AP3M1: variants seen among roughly 807,000 people sequenced by gnomAD.
The protein encoded by AP3M1 is AP-3 complex subunit mu-1.
In AP3M1, 29 loss-of-function variants were observed where a neutral mutation model predicts 42.6. The observed-to-expected ratio is 0.68, with a 90% confidence interval of 0.51 to 0.93. The LOEUF (loss-of-function observed/expected upper bound fraction) is 0.93. AP3M1 is among the 40% of genes least tolerant of loss of function. The pLI, the probability that AP3M1 is intolerant of heterozygous loss-of-function variation, is 0.00. For missense variants in AP3M1, 416 were observed against 510.2 expected (o/e 0.82, Z 1.78); for synonymous variants, 178 against 175.3 (o/e 1.02, Z -0.12).
intron 1 of AP3M1, among the ~76,000 whole-genome samples, chr10:74,146,531 T>TA (rs990700710): frequency 1.6e-4 from 25 of 152,202 alleles, no homozygotes; most frequent in African/African-American, 6.0e-4. Context: ...GGTTTTGTGC[T>TA]AAAAAACATT....
At chr10:74,133,996 T>C in intron 4 of AP3M1, 31 bp downstream of exon 4, 2 of 1,610,442 alleles carry the variant, frequency 1.2e-6, no homozygotes, top group Non-Finnish European at 1.7e-6. Context: ...GAATTGTTTT[T>C]CCCCAAATAA....
chr10:74,140,662 C>T (rs1299675874), intron 1 of AP3M1, among the ~76,000 whole-genome samples: 1 of 150,772 alleles, frequency 6.6e-6, no homozygotes, highest in East Asian at 1.9e-4. Context: ...GATTTCAAAA[C>T]TTACTACAAA....
intron 7 of AP3M1, 71 bp downstream of exon 7, chr10:74,126,077 C>T: frequency 1.3e-6 from 2 of 1,521,496 alleles, no homozygotes; most frequent in Non-Finnish European, 1.8e-6. Flanking sequence ...ACCTTTCCCT[C>T]CATTCCTCCC....
At chr10:74,129,047 G>C (rs963355638) in intron 6 of AP3M1, 61 bp downstream of exon 6, 2 of 1,588,558 alleles carry the variant, frequency 1.3e-6, no homozygotes, top group Non-Finnish European at 1.7e-6. Context: ...GAAAGAAACA[G>C]GGAAAGGTGA....
At chr10:74,129,537 C>G in intron 5 of AP3M1, among the ~76,000 whole-genome samples, 1 of 152,186 alleles carries the variant, frequency 6.6e-6, no homozygotes, top group East Asian at 1.9e-4. Flanking sequence ...GGTGACAACA[C>G]CAGAAGTCAG....
intron 1 of AP3M1, among the ~76,000 whole-genome samples, chr10:74,144,942 A>G (rs964806068): frequency 3.1e-4 from 47 of 152,166 alleles, no homozygotes; most frequent in Non-Finnish European, 2.2e-4. Flanking sequence ...GATTACAGGC[A>G]TGAGCCACTG....
chr10:74,139,188 T>C (rs564465060), intron 1 of AP3M1, among the ~76,000 whole-genome samples: 38 of 152,032 alleles, frequency 2.5e-4, no homozygotes, highest in African/African-American at 9.2e-4. Context: ...CAATCTTATA[T>C]ATAGAAAATC....
chr10:74,132,276 G>T (rs1026799561), intron 4 of AP3M1, among the ~76,000 whole-genome samples: 14 of 152,038 alleles, frequency 9.2e-5, no homozygotes, highest in African/African-American at 3.4e-4. Flanking sequence ...GACCTCAAGT[G>T]ATCTGCCTGC....
intron 1 of AP3M1, among the ~76,000 whole-genome samples, chr10:74,147,589 A>G (rs964190667): frequency 7.9e-5 from 12 of 152,244 alleles, no homozygotes; most frequent in African/African-American, 2.9e-4. Context: ...TATGTATTGT[A>G]TTTGTGCTTT....
intron 7 of AP3M1, among the ~76,000 whole-genome samples, chr10:74,125,087 GCTC>G (rs1840575705): frequency 6.6e-6 from 1 of 152,046 alleles, no homozygotes; most frequent in African/African-American, 2.4e-5. Flanking sequence ...TTCAAGCGAT[GCTC>G]CTGCCTCAGC....
chr10:74,122,794 GAAC>G lies in AP3M1; in HGVS notation c.*1013_*1015del, dbSNP rs1840505394. 6.6e-6 allele frequency: 1 copy of G among 152,114 alleles called. No homozygotes were observed. The highest frequency in any genetic ancestry group is 1.5e-5 in the Non-Finnish European group (1 of 68,020). 9.4% of individuals were successfully genotyped at this position (152,114 alleles called of 1,614,324 possible). On this transcript the variant is annotated 3_prime_UTR_variant, in exon 9 of 9. Transcript: ENST00000355264. ...AATGCAGACAAATTCAAACCCTTAA[GAAC>G]AACAACAAAAAAGATTTAAAAAGAC...
At chr10:74,128,049 G>A (rs1295059005) in intron 6 of AP3M1, among the ~76,000 whole-genome samples, 2 of 133,882 alleles carry the variant, frequency 1.5e-5, no homozygotes, top group African/African-American at 5.8e-5. Context: ...GCAGTAAGCC[G>A]AGATTTCACC....
intron 5 of AP3M1, 114 bp downstream of exon 5, chr10:74,129,793 G>T: frequency 1.3e-6 from 1 of 758,984 alleles, no homozygotes. Context: ...GAATATTTCT[G>T]AGATAATCCT....
At position 74,121,076 on chromosome 10, in the gene AP3M1, A is replaced by G. The variant is rs1212417575; in HGVS notation, c.*2734T>C. 2 of 152,212 alleles carry G rather than the reference A, an allele frequency of 1.3e-5. No homozygotes were observed. The highest frequency in any genetic ancestry group is 6.5e-5 in the Admixed American group (1 of 15,276). 9.4% of individuals were successfully genotyped at this position (152,212 alleles called of 1,614,324 possible). On this transcript the variant is annotated 3_prime_UTR_variant, in exon 9 of 9. Transcript: ENST00000355264. ...ATATTTAGTGTTGCCAACTGCTATTATCACTGCTTTATCTTGGAAAGTTGC... is the reference window on the plus strand; with the variant it reads ...ATATTTAGTGTTGCCAACTGCTATTGTCACTGCTTTATCTTGGAAAGTTGC...
chr10:74,121,620 G>A lies in AP3M1; in HGVS notation c.*2190C>T, dbSNP rs1840464972. 1 of 152,310 alleles carries A rather than the reference G, an allele frequency of 6.6e-6. No individual in the cohort carries two copies. The highest frequency in any genetic ancestry group is 2.1e-4 in the South Asian group (1 of 4,826). 9.4% of individuals were successfully genotyped at this position (152,310 alleles called of 1,614,324 possible). ...CTATTAACATACTGAGGTTAGGGAA[G>A]GAGTACTGAGAAGTGCTTTGCAGCA... On this transcript the variant is annotated 3_prime_UTR_variant, in exon 9 of 9. Coordinates refer to ENST00000355264, the MANE Select transcript of AP3M1 (RefSeq NM_012095.6).
chr10:74,138,009 A>G (rs1370844249), intron 2 of AP3M1, 98 bp downstream of exon 2: 22 of 1,263,804 alleles, frequency 1.7e-5, no homozygotes, highest in Middle Eastern at 2.6e-4. Flanking sequence ...AGAGACAGAC[A>G]GTAAACATCA....
intron 1 of AP3M1, 129 bp downstream of exon 1, chr10:74,150,626 G>A (rs888927186): frequency 6.5e-6 from 1 of 153,026 alleles, no homozygotes; most frequent in Non-Finnish European, 1.5e-5. Flanking sequence ...GGGGGGAAGC[G>A]AGGCCCGGGC....
At position 74,120,494 on chromosome 10, in the gene AP3M1, T is replaced by TGTTAA. The variant is rs1403916218; in HGVS notation, c.*3311_*3315dup. On this transcript the variant is annotated 3_prime_UTR_variant, in exon 9 of 9. Transcript: ENST00000355264. ...CCACTGTTCCCCGAAAAGCTAAAGT[T>TGTTAA]GTTAAGTTTGTAGGAGTACCACAGG... The TGTTAA allele has an allele frequency of 2.0e-5, 3 of 152,150 alleles. No individual in the cohort carries two copies. Among genetic ancestry groups the TGTTAA allele is most frequent in the Non-Finnish European group, 4.4e-5 (3 of 68,022 alleles). The allele number at this position is 152,150 out of a possible 1,614,324, so 9.4% of individuals were successfully genotyped here.
At chr10:74,145,931 T>G (rs1302485510) in intron 1 of AP3M1, among the ~76,000 whole-genome samples, 1 of 152,224 alleles carries the variant, frequency 6.6e-6, no homozygotes, top group African/African-American at 2.4e-5. Flanking sequence ...CTTGAGAGAA[T>G]GAGACCAGAA....
Sources: gnomAD v4.1 joint callset for allele counts (sites outside exome capture counted in the v4.1 genomes callset) on GRCh38, gnomAD v4.1.1 for gene constraint, MANE v1.5 for transcripts, NCBI Gene and HGNC (gene_info 2026-07-23, HGNC 2026-07-21) for gene names.